The following PPM1L variants were observed in gnomAD, a reference collection of about 807,000 sequenced individuals.
PPM1L encodes protein phosphatase, Mg2+/Mn2+ dependent 1L.
PPM1L carries 13 observed loss-of-function variants against 31.4 expected under a neutral mutation model. The observed-to-expected ratio is 0.41, with a 90% CI of 0.27 to 0.66. The LOEUF is 0.66. Among genes scored for constraint, PPM1L ranks in the 30% least tolerant of loss-of-function variants. The probability of loss-of-function intolerance (pLI) is 0.29; values close to 1 mark genes in which losing one functional copy is unlikely to be tolerated. For synonymous variants in PPM1L, 184 were observed against 175.4 expected (o/e 1.05, Z -0.39); for missense variants, 326 against 453.7 (o/e 0.72, Z 2.56).
At chr3:160,898,895 C>T (rs7641892) in intron 1 of PPM1L, among the ~76,000 whole-genome samples, 40,741 of 152,012 alleles carry the variant, frequency 0.27, 5,729 homozygotes, top group East Asian at 0.51. Flanking sequence ...TTAACATGCT[C>T]AAGATTATAA....
chr3:160,923,540 GGC>G (rs571179699), intron 1 of PPM1L, among the ~76,000 whole-genome samples: 348 of 152,274 alleles, frequency 2.3e-3, no homozygotes, highest in African/African-American at 8.2e-3. Flanking sequence ...CTCAACCCAT[GGC>G]AACACTTGGG....
rs184461033 is a variant in PPM1L at position 160,978,054 on chromosome 3, G to A, written c.574+16144G>A. ...ATCACCCCAAGGAACAGGAGTGAGG[G>A]GCACTGGGAATGAAAGAGGAAACAA... On this transcript the variant is annotated intron_variant, in intron 2 of 3. Coordinates refer to ENST00000498165, the MANE Select transcript of PPM1L (RefSeq NM_139245.4). Among the ~76,000 whole-genome samples the A allele has an allele frequency of 5.9e-5, 9 of 152,248 alleles. No homozygotes were observed. The East Asian group carries it at 1.7e-3, about 29-fold the overall frequency.
intron 1 of PPM1L, among the ~76,000 whole-genome samples, chr3:160,834,750 T>C (rs897965759): frequency 1.3e-5 from 2 of 152,316 alleles, no homozygotes; most frequent in Non-Finnish European, 2.9e-5. Context: ...AGTTTTCTCA[T>C]GTATCAATAG....
chr3:160,915,983 C>T (rs1398183793), intron 1 of PPM1L, among the ~76,000 whole-genome samples: 1 of 152,156 alleles, frequency 6.6e-6, no homozygotes, highest in African/African-American at 2.4e-5. Context: ...CAATACCATT[C>T]AGGACATAGG....
chr3:161,020,618 G>A (rs1490180663), intron 2 of PPM1L, among the ~76,000 whole-genome samples: 4 of 152,138 alleles, frequency 2.6e-5, no homozygotes, highest in African/African-American at 4.8e-5. Context: ...GTGAAGAATT[G>A]GTTGGCATTA....
chr3:160,779,079 T>A, intron 1 of PPM1L, among the ~76,000 whole-genome samples: 1 of 129,610 alleles, frequency 7.7e-6, no homozygotes, highest in Non-Finnish European at 1.6e-5. Context: ...TGTTATTACA[T>A]TTTTTTTTTT....
intron 2 of PPM1L, among the ~76,000 whole-genome samples, chr3:161,010,178 A>G (rs979792958): frequency 1.3e-5 from 2 of 151,800 alleles, no homozygotes; most frequent in Admixed American, 6.6e-5. Flanking sequence ...ACAGGCCCCA[A>G]TGTGTGATGT....
intron 3 of PPM1L, among the ~76,000 whole-genome samples, chr3:161,067,575 TAGC>T: frequency 6.6e-6 from 1 of 152,388 alleles, no homozygotes; most frequent in South Asian, 2.1e-4. Flanking sequence ...CAGCAAAGCC[TAGC>T]ACTTTACACA....
intron 2 of PPM1L, among the ~76,000 whole-genome samples, chr3:160,980,698 AAGAGAGAGAAAAAAAAAGAG>A (rs1177071973): frequency 1.5e-5 from 1 of 66,062 alleles, no homozygotes; most frequent in Non-Finnish European, 3.0e-5. Context: ...GAAAGAGAGA[AAGAGAGAGAAAAAAAAAGAG>A]AGAGAGAGAG....
At chr3:160,898,512 A>G (rs1289682583) in intron 1 of PPM1L, among the ~76,000 whole-genome samples, 1 of 152,202 alleles carries the variant, frequency 6.6e-6, no homozygotes, top group Non-Finnish European at 1.5e-5. Context: ...CAAGTTATCC[A>G]ACAAGATAAC....
At chr3:160,936,209 C>T (rs943486020) in intron 1 of PPM1L, among the ~76,000 whole-genome samples, 1 of 152,174 alleles carries the variant, frequency 6.6e-6, no homozygotes, top group Non-Finnish European at 1.5e-5. Flanking sequence ...CCTGCCTCAG[C>T]CTCCTGAGTA....
chr3:160,915,649 A>T (rs1415551496), intron 1 of PPM1L, among the ~76,000 whole-genome samples: 1 of 152,200 alleles, frequency 6.6e-6, no homozygotes, highest in East Asian at 1.9e-4. Flanking sequence ...ATGCTACCTG[A>T]CTTCAAACTA....
At chr3:161,002,184 C>T (rs186872565) in intron 2 of PPM1L, among the ~76,000 whole-genome samples, 19 of 152,100 alleles carry the variant, frequency 1.2e-4, no homozygotes, top group East Asian at 1.9e-4. Context: ...TTTTTATGGC[C>T]GCATAGTATT....
chr3:160,788,511 A>G (rs1712002652), intron 1 of PPM1L, among the ~76,000 whole-genome samples: 1 of 151,572 alleles, frequency 6.6e-6, no homozygotes, highest in African/African-American at 2.4e-5. Context: ...CATATGTGCT[A>G]CCAATATATT....
At chr3:160,924,473 G>A (rs1714520931) in intron 1 of PPM1L, among the ~76,000 whole-genome samples, 1 of 152,172 alleles carries the variant, frequency 6.6e-6, no homozygotes, top group African/African-American at 2.4e-5. Context: ...TAGGAAGAAA[G>A]AATCAAGTCT....
At chr3:160,835,654 T>A (rs1441139352) in intron 1 of PPM1L, among the ~76,000 whole-genome samples, 3 of 152,148 alleles carry the variant, frequency 2.0e-5, no homozygotes, top group African/African-American at 4.8e-5. Flanking sequence ...AGACTTCTCC[T>A]AAGAATTTCC....
intron 1 of PPM1L, among the ~76,000 whole-genome samples, chr3:160,823,262 C>G (rs1257140077): frequency 2.0e-5 from 3 of 151,798 alleles, no homozygotes; most frequent in Non-Finnish European, 4.4e-5. Context: ...TCTTCTTGAT[C>G]ACTGATGACT....
At chr3:160,996,019 C>G (rs1237970738) in intron 2 of PPM1L, among the ~76,000 whole-genome samples, 5 of 152,084 alleles carry the variant, frequency 3.3e-5, no homozygotes, top group Non-Finnish European at 5.9e-5. Context: ...ATACAAATAG[C>G]CAACAAGCAT....
At chr3:161,042,608 T>C (rs1718942832) in intron 2 of PPM1L, among the ~76,000 whole-genome samples, 1 of 152,232 alleles carries the variant, frequency 6.6e-6, no homozygotes, top group Admixed American at 6.5e-5. Context: ...GAAGAAGTTC[T>C]CTGAAAACCT....
Sources: gnomAD v4.1 joint callset for allele counts (sites outside exome capture counted in the v4.1 genomes callset) on GRCh38, gnomAD v4.1.1 for gene constraint, MANE v1.5 for transcripts, NCBI Gene and HGNC (gene_info 2026-07-23, HGNC 2026-07-21) for gene names.